The following DSCAM variants were observed in gnomAD, a reference collection of about 807,000 sequenced individuals.
DSCAM encodes cell adhesion molecule DSCAM.
Under a neutral mutation model 217.7 loss-of-function variants are expected in DSCAM, and 47 were observed. That is an observed-to-expected ratio of 0.22 (90% CI 0.17 to 0.28). The LOEUF (loss-of-function observed/expected upper bound fraction) is 0.28. Among genes scored for constraint, DSCAM ranks in the 10% least tolerant of loss-of-function variants. The pLI is 1.00. For missense variants in DSCAM, 2,080 were observed against 2,618.3 expected, an observed-to-expected ratio of 0.79 and a Z score of 4.49; for synonymous variants, 1,056 against 1,015.3, an observed-to-expected ratio of 1.04 and a Z score of -0.76.
chr21:40,256,089 A>G (rs2073366507), intron 11 of DSCAM, among the ~76,000 whole-genome samples: 1 of 152,216 alleles, frequency 6.6e-6, no homozygotes, highest in Admixed American at 6.5e-5. Context: ...AAGGTATCCA[A>G]TGTATGTTTT....
At chr21:40,280,718 T>G (rs767417204) in intron 10 of DSCAM, among the ~76,000 whole-genome samples, 1 of 152,192 alleles carries the variant, frequency 6.6e-6, no homozygotes, top group Non-Finnish European at 1.5e-5. Flanking sequence ...GCCTTCGTTT[T>G]TATGCAAATG....
At chr21:40,115,427 C>T (rs145125279) in intron 20 of DSCAM, among the ~76,000 whole-genome samples, 2,816 of 151,828 alleles carry the variant, frequency 0.019, 81 homozygotes, top group African/African-American at 0.058. Context: ...GGTGCGGGGA[C>T]GGGGGAGGAA....
At chr21:40,630,710 C>T (rs2089680238) in intron 3 of DSCAM, 1 of 152,268 alleles carries the variant, frequency 6.6e-6, no homozygotes, top group East Asian at 1.9e-4. Context: ...CTTCACTGTA[C>T]TTGTCAGTGG....
intron 6 of DSCAM, among the ~76,000 whole-genome samples, chr21:40,345,130 A>G (rs1601570523): frequency 6.6e-6 from 1 of 152,208 alleles, no homozygotes; most frequent in South Asian, 2.1e-4. Flanking sequence ...GGTCTTTCCC[A>G]TACGTTCACT....
intron 1 of DSCAM, among the ~76,000 whole-genome samples, chr21:40,762,242 G>A (rs1052076465): frequency 1.3e-5 from 2 of 151,714 alleles, no homozygotes; most frequent in African/African-American, 4.8e-5. Context: ...AAAGAGAGGA[G>A]AATCAAATAG....
chr21:40,622,119 A>T (rs1345517613), intron 3 of DSCAM, among the ~76,000 whole-genome samples: 1 of 152,170 alleles, frequency 6.6e-6, no homozygotes, highest in Non-Finnish European at 1.5e-5. Flanking sequence ...ATTTTAGGTC[A>T]TGTTTCCTTT....
Position 40,111,181 on chromosome 21 carries a change from C to G in DSCAM, c.3696+13014G>C, listed in dbSNP as rs551192171. Among the ~76,000 whole-genome samples, 3 of 152,286 alleles carry G rather than the reference C, an allele frequency of 2.0e-5. No homozygotes were observed. The South Asian group carries it at 6.2e-4, about 32-fold the overall frequency. ...AGCCAGAGAGAAAGGTTGGGTTACC[C>G]ACAAAGGAAAGCCTATCAGACTAAG... On this transcript the variant is annotated intron_variant, in intron 20 of 32. Coordinates refer to ENST00000400454, the MANE Select transcript of DSCAM (RefSeq NM_001389.5).
chr21:40,263,794 T>C (rs2073485777), intron 11 of DSCAM, among the ~76,000 whole-genome samples: 1 of 152,010 alleles, frequency 6.6e-6, no homozygotes, highest in Non-Finnish European at 1.5e-5. Flanking sequence ...TAAATAAAAT[T>C]GATAGACCAC....
intron 20 of DSCAM, among the ~76,000 whole-genome samples, chr21:40,105,023 C>T (rs71318514): frequency 0.015 from 2,274 of 152,232 alleles, 25 homozygotes; most frequent in Non-Finnish European, 0.023. Context: ...TCTGACAAAT[C>T]AGGCAGGCAG....
intron 27 of DSCAM, among the ~76,000 whole-genome samples, chr21:40,069,645 CA>C (rs1301040692): frequency 6.6e-6 from 1 of 152,112 alleles, no homozygotes; most frequent in African/African-American, 2.4e-5. Flanking sequence ...CAGATATCCA[CA>C]AAAAAACTTT....
At position 40,295,971 on chromosome 21, in the gene DSCAM, T is replaced by C. The variant is rs991602444; in HGVS notation, c.2182+84A>G. On this transcript the variant is annotated intron_variant, in intron 10 of 32. Transcript: ENST00000400454. ...TACGTATCTACTTGCAAGAAACTTC[T>C]CTGGAAATCTAGAAATGCTTATCTA... is the stretch of plus-strand genomic sequence containing the variant. 5 of 1,499,716 alleles carry C rather than the reference T, an allele frequency of 3.3e-6. No individual in the cohort carries two copies. The Admixed American group carries it at 8.7e-5, about 26-fold the overall frequency. 92.9% of individuals were successfully genotyped at this position (1,499,716 alleles called of 1,614,324 possible).
At chr21:40,761,219 C>A (rs186512944) in intron 1 of DSCAM, among the ~76,000 whole-genome samples, 75 of 152,302 alleles carry the variant, frequency 4.9e-4, no homozygotes, top group South Asian at 1.2e-3. Context: ...AATCTAAGTA[C>A]AGCTCTTATC....
chr21:40,232,173 C>A (rs2091388044), intron 11 of DSCAM, among the ~76,000 whole-genome samples: 1 of 152,182 alleles, frequency 6.6e-6, no homozygotes, highest in Non-Finnish European at 1.5e-5. Flanking sequence ...CAGATGACGT[C>A]ACTCATTATG....
rs539613429 is a variant in DSCAM at position 40,060,861 on chromosome 21, CTTTGT to C, written c.4919+2003_4919+2007del. Among the ~76,000 whole-genome samples the C allele has an allele frequency of 1.7e-3, 266 of 152,186 alleles. 1 individual carries two copies. Among genetic ancestry groups the C allele is most frequent in the African/African-American group, 5.2e-3 (218 of 41,540 alleles). ...TCCAGCTTCTTTGTGTTAAGCAGAT[CTTTGT>C]TTTATCAGATCTGCTTAACACAAGT... On this transcript the variant is annotated intron_variant, in intron 28 of 32. Coordinates refer to ENST00000400454, the MANE Select transcript of DSCAM (RefSeq NM_001389.5).
intron 3 of DSCAM, among the ~76,000 whole-genome samples, chr21:40,415,536 C>T (rs1480081792): frequency 6.6e-6 from 1 of 152,218 alleles, no homozygotes; most frequent in Non-Finnish European, 1.5e-5. Flanking sequence ...AGCACAGTTG[C>T]TTAGGAGACA....
intron 16 of DSCAM, among the ~76,000 whole-genome samples, chr21:40,163,864 C>T (rs1047652224): frequency 6.6e-6 from 1 of 152,156 alleles, no homozygotes; most frequent in South Asian, 2.1e-4. Flanking sequence ...AGCATGTTTG[C>T]TCTCTGGAGA....
chr21:40,670,423 A>C (rs1475071103), intron 3 of DSCAM, among the ~76,000 whole-genome samples: 1 of 152,048 alleles, frequency 6.6e-6, no homozygotes, highest in Non-Finnish European at 1.5e-5. Context: ...CTGTAGTCCC[A>C]GCTACCCAGG....
intron 1 of DSCAM, among the ~76,000 whole-genome samples, chr21:40,772,977 G>A (rs369394728): frequency 9.8e-5 from 15 of 152,360 alleles, no homozygotes; most frequent in African/African-American, 2.9e-4. Context: ...TCAGTAACTG[G>A]CTGACCTAGG....
At chr21:40,836,359 T>C (rs1487683181) in intron 1 of DSCAM, among the ~76,000 whole-genome samples, 1 of 152,102 alleles carries the variant, frequency 6.6e-6, no homozygotes, top group Non-Finnish European at 1.5e-5. Context: ...GAAGAAAAAA[T>C]GGTGCAAAGA....
Sources: allele counts gnomAD v4.1 joint callset (sites outside exome capture counted in the v4.1 genomes callset), GRCh38; gene constraint gnomAD v4.1.1; transcripts MANE v1.5; gene names NCBI Gene and HGNC (gene_info 2026-07-23, HGNC 2026-07-21).